ZNF883: variants seen among roughly 807,000 people sequenced by gnomAD.
ZNF883 encodes zinc finger protein 883.
downstream of ZNF883, among the ~76,000 whole-genome samples, chr9:112,994,301 C>CTCTCCGTGCTTTTCCTCAT (rs1828328601): frequency 1.3e-5 from 2 of 151,886 alleles, no homozygotes; most frequent in Non-Finnish European, 2.9e-5. Flanking sequence ...CTTTTCCTCA[C>CTCTCCGTGCTTTTCCTCAT]TCTCCGTGCT....
chr9:112,997,256 G>A, exon 1 of ZNF883: 2 of 1,614,092 alleles, frequency 1.2e-6, no homozygotes, highest in Non-Finnish European at 1.7e-6. Flanking sequence ...TTTAGTTAGA[G>A]CTGAGCTTAA....
chr9:113,000,751 T>C (rs1041955925), upstream of ZNF883, among the ~76,000 whole-genome samples: 1 of 152,196 alleles, frequency 6.6e-6, no homozygotes, highest in Middle Eastern at 3.4e-3. Flanking sequence ...GTTAAAGTGT[T>C]TTAAAGTGAA....
exon 1 of ZNF883, chr9:112,997,567 A>G: frequency 6.2e-7 from 1 of 1,614,090 alleles, no homozygotes; most frequent in African/African-American, 1.3e-5. Flanking sequence ...TTTCTCCAGT[A>G]TGAATTCTTT....
intron 2 of ZNF883, among the ~76,000 whole-genome samples, chr9:113,004,328 G>A (rs1023469112): frequency 6.6e-6 from 1 of 152,194 alleles, no homozygotes; most frequent in Non-Finnish European, 1.5e-5. Context: ...CCAATTTGTG[G>A]CACATTGCTA....
At chr9:112,997,511 G>A (rs757942636) in exon 1 of ZNF883, 1 of 1,614,112 alleles carries the variant, frequency 6.2e-7, no homozygotes, top group Non-Finnish European at 8.5e-7. Context: ...AGTAAGATGT[G>A]CACTCCGATT....
downstream of ZNF883, chr9:112,996,975 C>A: frequency 1.5e-6 from 1 of 688,718 alleles, no homozygotes; most frequent in Non-Finnish European, 2.2e-6. Context: ...TAAGCATAGT[C>A]CTTCTTCTCA....
downstream of ZNF883, among the ~76,000 whole-genome samples, chr9:112,994,126 G>C: frequency 6.6e-6 from 1 of 152,208 alleles, no homozygotes; most frequent in African/African-American, 2.4e-5. Context: ...AGGCCCTGGT[G>C]TGTGGGCTCA....
At chr9:112,997,924 A>C in exon 1 of ZNF883, 1 of 1,613,816 alleles carries the variant, frequency 6.2e-7, no homozygotes, top group East Asian at 2.2e-5. Context: ...CATGATTTCT[A>C]AGGGATGACC....
At position 113,012,139 on chromosome 9, in the gene ZNF883, A is replaced by T. The variant is rs903957085; in HGVS notation, n.78+11T>A. 2.0e-4 allele frequency: 30 copies of T among 152,188 alleles called. No homozygotes were observed. Among genetic ancestry groups the T allele is most frequent in the African/African-American group, 7.2e-4 (30 of 41,436 alleles). The allele number at this position is 152,188 out of a possible 1,614,324, so 9.4% of individuals were successfully genotyped here. On this transcript the variant is annotated intron_variant and non_coding_transcript_variant, in intron 1 of 4. Transcript: ENST00000638622. The stretch of plus-strand genomic sequence containing the variant: ...CACACGAGTGCAAGGGTCGGGAAAG[A>T]AAAAGCTCACCTGCTCCACCGAAAA...
At chr9:112,991,203 C>T (rs1052123274) in intron 1 of ZNF883, among the ~76,000 whole-genome samples, 1 of 151,988 alleles carries the variant, frequency 6.6e-6, no homozygotes, top group Non-Finnish European at 1.5e-5. Context: ...TGAGATCTTT[C>T]TAGCCTTCTG....
chr9:113,006,304 C>G (rs567860154), intron 2 of ZNF883, among the ~76,000 whole-genome samples: 1 of 152,202 alleles, frequency 6.6e-6, no homozygotes, highest in African/African-American at 2.4e-5. Context: ...AGGAGCACCC[C>G]CTCTTCCCAG....
chr9:113,006,582 T>G (rs941846747), intron 2 of ZNF883, among the ~76,000 whole-genome samples: 1 of 152,186 alleles, frequency 6.6e-6, no homozygotes, highest in Non-Finnish European at 1.5e-5. Context: ...CCTTGTGATA[T>G]ATCTGTAACA....
At chr9:112,998,176 C>G (rs768035989) in exon 1 of ZNF883, 2 of 1,613,742 alleles carry the variant, frequency 1.2e-6, no homozygotes, top group Non-Finnish European at 1.7e-6. Flanking sequence ...GATGCTGGGT[C>G]AGGGATGCAA....
chr9:113,001,782 TAAG>T (rs1227920486), upstream of ZNF883, among the ~76,000 whole-genome samples: 2 of 152,176 alleles, frequency 1.3e-5, no homozygotes, highest in Non-Finnish European at 2.9e-5. Context: ...AATTATGTCC[TAAG>T]TAGTCTTCAG....
chr9:113,010,437 G>A (rs1021377394), intron 2 of ZNF883, among the ~76,000 whole-genome samples: 68 of 152,240 alleles, frequency 4.5e-4, no homozygotes, highest in African/African-American at 1.6e-3. Context: ...GAACATAGTC[G>A]GGGTACATTT....
At chr9:112,997,399 A>T (rs1159816350) in exon 1 of ZNF883, 1 of 1,614,002 alleles carries the variant, frequency 6.2e-7, no homozygotes. Flanking sequence ...TCACACAAGA[A>T]TGAATTTTTA....
chr9:113,001,737 C>G (rs922792665), upstream of ZNF883, among the ~76,000 whole-genome samples: 1 of 152,000 alleles, frequency 6.6e-6, no homozygotes, highest in Admixed American at 6.6e-5. Context: ...TTATATGGTT[C>G]TTCTTAGTTG....
At chr9:112,995,678 T>A (rs1032733894), downstream of ZNF883, among the ~76,000 whole-genome samples, 5 of 150,458 alleles carry the variant, frequency 3.3e-5, no homozygotes, top group African/African-American at 1.2e-4. Context: ...TATAGAATTT[T>A]ATTAAATGAT....
At chr9:112,998,433 C>T (rs1587895001), upstream of ZNF883, 1 of 493,664 alleles carries the variant, frequency 2.0e-6, no homozygotes, top group Non-Finnish European at 3.3e-6. Context: ...AAATCCACTA[C>T]AGCAGAATTA....
Sources: allele counts gnomAD v4.1 joint callset (sites outside exome capture counted in the v4.1 genomes callset), GRCh38; gene constraint gnomAD v4.1.1; transcripts MANE v1.5; gene names NCBI Gene and HGNC (gene_info 2026-07-23, HGNC 2026-07-21).